WDR20: variants seen among roughly 807,000 people sequenced by gnomAD.
WDR20 encodes the protein WD repeat domain 20.
In WDR20, 3 loss-of-function variants were observed where a neutral mutation model predicts 38.7. That is an observed-to-expected ratio of 0.08 (90% CI 0.04 to 0.20). WDR20 has a LOEUF of 0.20. WDR20 is among the 10% of genes least tolerant of loss of function. The pLI is 1.00. For missense variants in WDR20, 559 were observed against 727.7 expected (o/e 0.77, Z 2.67); for synonymous variants, 298 against 285.6 (o/e 1.04, Z -0.44).
chr14:102,213,313 G>A (rs568063897), downstream of WDR20: 7 of 985,482 alleles, frequency 7.1e-6, no homozygotes, highest in East Asian at 3.4e-4. Flanking sequence ...GCAAATGCAT[G>A]TGCAGGAGTA....
intron 1 of WDR20, among the ~76,000 whole-genome samples, chr14:102,148,689 G>A (rs987101103): frequency 9.3e-5 from 14 of 151,262 alleles, no homozygotes; most frequent in African/African-American, 3.2e-4. Flanking sequence ...GTGTGTGTGT[G>A]TGTGTGTGTG....
intron 2 of WDR20, among the ~76,000 whole-genome samples, chr14:102,204,370 T>A (rs11160673): frequency 0.12 from 17,538 of 152,180 alleles, 1,689 homozygotes; most frequent in African/African-American, 0.26. Context: ...TATTCAACAT[T>A]GAAATCACTA....
chr14:102,174,106 T>G lies in WDR20; in HGVS notation c.250-20832T>G, dbSNP rs115979214. On this transcript the variant is annotated intron_variant, in intron 1 of 2. Coordinates refer to ENST00000342702, the MANE Select transcript of WDR20 (RefSeq NM_144574.4). Reference sequence around the variant, plus strand: ...TCCAGGTTGCTTGGAATGCCATGATTATTATTATTATTGTTACATTTTCTT... The same window carrying G: ...TCCAGGTTGCTTGGAATGCCATGATGATTATTATTATTGTTACATTTTCTT... Among the ~76,000 whole-genome samples, 699 of 152,054 alleles carry G rather than the reference T, an allele frequency of 4.6e-3. 7 individuals carry two copies. Among genetic ancestry groups the G allele is most frequent in the African/African-American group, 0.016 (647 of 41,500 alleles).
intron 1 of WDR20, chr14:102,157,146 C>T (rs1022273900): frequency 1.3e-5 from 2 of 151,868 alleles, no homozygotes; most frequent in East Asian, 1.9e-4. Context: ...TGCCTGTTGT[C>T]CCAGCTACAA....
rs916444213 is a variant in WDR20 at position 102,156,433 on chromosome 14, G to A, written c.249+16261G>A. 1.4e-4 allele frequency among the ~76,000 whole-genome samples: 21 copies of A among 152,216 alleles called. No individual in the cohort carries two copies. The East Asian group carries it at 4.1e-3, about 29-fold the overall frequency. Reference sequence around the variant, plus strand: ...TCTGCCCGCCTCGGCCTCCCAAAGTGCTGGGATTGCAGGCGTGAGCCACTG... The same window carrying A: ...TCTGCCCGCCTCGGCCTCCCAAAGTACTGGGATTGCAGGCGTGAGCCACTG... On this transcript the variant is annotated intron_variant, in intron 1 of 2. Coordinates refer to ENST00000342702, the MANE Select transcript of WDR20 (RefSeq NM_144574.4).
chr14:102,217,025 T>G (rs2063302095), downstream of WDR20, among the ~76,000 whole-genome samples: 1 of 152,216 alleles, frequency 6.6e-6, no homozygotes, highest in Admixed American at 6.5e-5. Context: ...ATGGACCATC[T>G]AGAGGCTCTC....
chr14:102,159,874 G>A (rs2058254783), intron 1 of WDR20, among the ~76,000 whole-genome samples: 1 of 152,042 alleles, frequency 6.6e-6, no homozygotes, highest in South Asian at 2.1e-4. Context: ...GGAGGCTGAG[G>A]TGGGAGGATC....
chr14:102,186,577 T>A (rs2064809281), intron 1 of WDR20, among the ~76,000 whole-genome samples: 1 of 151,970 alleles, frequency 6.6e-6, no homozygotes, highest in South Asian at 2.1e-4. Flanking sequence ...GACAAGCAGA[T>A]GTGGTCCAGC....
At position 102,193,721 on chromosome 14, in the gene WDR20, T is replaced by C. The variant is rs141261953; in HGVS notation, c.250-1217T>C. 4.3e-3 allele frequency among the ~76,000 whole-genome samples: 655 copies of C among 152,340 alleles called. 7 individuals are homozygous for C. Among genetic ancestry groups the C allele is most frequent in the African/African-American group, 0.015 (626 of 41,572 alleles). On this transcript the variant is annotated intron_variant, in intron 1 of 2. Coordinates refer to ENST00000342702, the MANE Select transcript of WDR20 (RefSeq NM_144574.4). ...TCCAACATTAGAATACTTGGTTCGA[T>C]GTCACAGGCCTCTTTGGAAGAAAGA...
intron 1 of WDR20, among the ~76,000 whole-genome samples, chr14:102,183,412 C>G (rs146006948): frequency 6.6e-6 from 1 of 152,340 alleles, no homozygotes; most frequent in East Asian, 1.9e-4. Flanking sequence ...TTCTCTCACT[C>G]TAGCTCTTTT....
chr14:102,197,698 G>T (rs1419924874), intron 2 of WDR20: 2 of 662,918 alleles, frequency 3.0e-6, no homozygotes, highest in Non-Finnish European at 5.5e-6. Context: ...TGGAAGATGT[G>T]GGGGAACCTT....
At chr14:102,217,568 C>T (rs112310553), downstream of WDR20, among the ~76,000 whole-genome samples, 23 of 152,310 alleles carry the variant, frequency 1.5e-4, no homozygotes, top group Non-Finnish European at 2.8e-4. Context: ...CCAAACTGCA[C>T]GGCAAGTCTG....
chr14:102,145,448 A>G (rs2053255702), intron 1 of WDR20, among the ~76,000 whole-genome samples: 2 of 152,264 alleles, frequency 1.3e-5, no homozygotes, highest in African/African-American at 4.8e-5. Context: ...TACAAGATCC[A>G]TGTACAACTT....
chr14:102,224,007 T>C (rs949761803), downstream of WDR20, among the ~76,000 whole-genome samples: 1 of 151,924 alleles, frequency 6.6e-6, no homozygotes, highest in African/African-American at 2.4e-5. Context: ...ACATGGGACA[T>C]GAACTAGCTA....
upstream of WDR20, chr14:102,139,459 G>A (rs1221547575): frequency 5.4e-6 from 8 of 1,479,950 alleles, no homozygotes; most frequent in Admixed American, 9.3e-5. Context: ...GGCCGTCGGG[G>A]TGGCGCTCTT....
chr14:102,141,156 G>T (rs573141870), intron 1 of WDR20, among the ~76,000 whole-genome samples: 1 of 152,262 alleles, frequency 6.6e-6, no homozygotes, highest in South Asian at 2.1e-4. Context: ...TGTAGTCTTT[G>T]ACTTGATGTC....
Position 102,209,301 on chromosome 14 carries a change from G to A in WDR20, c.1131G>A (p.Gln377=). Residue 377 remains glutamine (Q), a synonymous_variant, in exon 3 of 3, where the codon CAG becomes CAA. Coordinates refer to ENST00000342702, the MANE Select transcript of WDR20 (RefSeq NM_144574.4). This position sits in a 1 kb window ranked among gnomAD's most constrained non-coding sequence, Gnocchi z 6.0. ...YRFGSVGQDT[Q]LCLWDLTEDI... ...TTGGTTCCGTGGGCCAGGACACACA[G>A]CTCTGTTTATGGGACCTTACAGAAG... 1 of 1,614,188 alleles carries A rather than the reference G, an allele frequency of 6.2e-7. No individual in the cohort carries two copies. The highest frequency in any genetic ancestry group is 8.5e-7 in the Non-Finnish European group (1 of 1,180,040).
chr14:102,192,948 C>A (rs2058753998), intron 1 of WDR20, among the ~76,000 whole-genome samples: 1 of 151,352 alleles, frequency 6.6e-6, no homozygotes, highest in Non-Finnish European at 1.5e-5. Flanking sequence ...ACTGGGACTA[C>A]AGGCATGCAC....
chr14:102,154,726 T>A (rs186205636), intron 1 of WDR20, among the ~76,000 whole-genome samples: 99 of 152,336 alleles, frequency 6.5e-4, no homozygotes, highest in Non-Finnish European at 8.7e-4. Flanking sequence ...AAATATTTAT[T>A]GAATGAATAA....
Sources: allele counts gnomAD v4.1 joint callset (sites outside exome capture counted in the v4.1 genomes callset), GRCh38; gene constraint gnomAD v4.1.1; non-coding constraint Gnocchi (gnomAD v3.1); transcripts MANE v1.5; gene names NCBI Gene and HGNC (gene_info 2026-07-23, HGNC 2026-07-21).